The following AFF4 variants were observed in gnomAD, a reference collection of about 807,000 sequenced individuals.
The protein encoded by AFF4 is ALF transcription elongation factor 4.
In AFF4, 13 loss-of-function variants were observed where a neutral mutation model predicts 124.8. That is an observed-to-expected ratio of 0.10 (90% CI 0.07 to 0.17). The LOEUF (loss-of-function observed/expected upper bound fraction) is 0.17, where lower values mean the gene tolerates loss of function less well. AFF4 is among the 10% of genes least tolerant of loss of function. The pLI, the probability that AFF4 is intolerant of heterozygous loss-of-function variation, is 1.00. For synonymous variants in AFF4, 477 were observed against 496.1 expected, an observed-to-expected ratio of 0.96 and a Z score of 0.51; for missense variants, 1,092 against 1,403.8, an observed-to-expected ratio of 0.78 and a Z score of 3.55.
intron 1 of AFF4, among the ~76,000 whole-genome samples, chr5:132,957,792 G>T (rs1367676993): frequency 1.3e-5 from 2 of 151,944 alleles, no homozygotes; most frequent in Non-Finnish European, 2.9e-5. Flanking sequence ...AGGGACAAAA[G>T]AACATATTAC....
chr5:132,933,661 T>G (rs1761352079), intron 3 of AFF4, among the ~76,000 whole-genome samples: 2 of 152,216 alleles, frequency 1.3e-5, no homozygotes, highest in Non-Finnish European at 2.9e-5. Context: ...TCTTAATCCT[T>G]TAAGTATAAC....
chr5:132,886,418 AG>A lies in AFF4; in HGVS notation c.3006-16del, dbSNP rs1177329147. On this transcript the variant is annotated splice_polypyrimidine_tract_variant and intron_variant, in intron 17 of 20. Transcript: ENST00000265343. ...CGCATCGCAGGCTAGCCAATGGAAA[AG>A]GGCGGCTTATTTACCAGGACAGCAA... is the stretch of plus-strand genomic sequence containing the variant. The A allele has an allele frequency of 1.2e-6, 2 of 1,612,080 alleles. No individual in the cohort carries two copies. The highest frequency in any genetic ancestry group is 2.2e-5 in the South Asian group (2 of 90,910).
At chr5:132,952,925 C>A (rs907671806) in intron 1 of AFF4, among the ~76,000 whole-genome samples, 2 of 151,916 alleles carry the variant, frequency 1.3e-5, no homozygotes, top group African/African-American at 2.4e-5. Flanking sequence ...AAACACAACT[C>A]TATGCCTACA....
At chr5:132,903,260 A>G (rs1187482391) in intron 6 of AFF4, among the ~76,000 whole-genome samples, 1 of 152,208 alleles carries the variant, frequency 6.6e-6, no homozygotes, top group East Asian at 1.9e-4. Flanking sequence ...CCTGTAAGCT[A>G]CGGCCTTTAA....
chr5:132,938,941 C>CA (rs762784790), intron 1 of AFF4, among the ~76,000 whole-genome samples: 7,817 of 38,014 alleles, frequency 0.21, 1,047 homozygotes, highest in African/African-American at 0.23. Flanking sequence ...AGACTCATCT[C>CA]AAAAAAAAAA....
chr5:132,908,914 G>A (rs1391991305), intron 5 of AFF4, among the ~76,000 whole-genome samples: 1 of 151,028 alleles, frequency 6.6e-6, no homozygotes, highest in East Asian at 1.9e-4. Context: ...GGGATTACAG[G>A]CACCTGCCAC....
Position 132,937,094 on chromosome 5 carries a change from A to G in AFF4, c.96T>C (p.Ser32=). 1.2e-5 allele frequency: 19 copies of G among 1,613,600 alleles called. No individual in the cohort carries two copies. The highest frequency in any genetic ancestry group is 1.6e-5 in the Non-Finnish European group (19 of 1,179,820). ...QQGEDAFPPS[S]PLFAEPYKVT... ...CTTTGTATGGCTCTGCAAAGAGAGG[A>G]GAGCTAGGTGGGAAGGCGTCTTCGC... is the stretch of plus-strand genomic sequence containing the variant. The change falls in exon 2 of 21, where the codon TCT becomes TCC. Residue 32 remains serine (S), a synonymous_variant. Transcript: ENST00000265343.
At chr5:132,885,611 T>A (rs553590255) in intron 18 of AFF4, among the ~76,000 whole-genome samples, 55 of 152,002 alleles carry the variant, frequency 3.6e-4, no homozygotes, top group Middle Eastern at 3.4e-3. Context: ...GGGGCCAGGG[T>A]AAGGAGTTTA....
intron 6 of AFF4, among the ~76,000 whole-genome samples, chr5:132,903,640 AT>A (rs1760605712): frequency 6.6e-6 from 1 of 152,130 alleles, no homozygotes; most frequent in Non-Finnish European, 1.5e-5. Flanking sequence ...CAGGCAGCAG[AT>A]TTTCTACCCA....
At position 132,962,710 on chromosome 5, in the gene AFF4, C is replaced by G. The variant is rs544063647; in HGVS notation, c.-5+549G>C. On this transcript the variant is annotated intron_variant, in intron 1 of 20. Transcript: ENST00000265343. Reference sequence around the variant, plus strand: ...GGGATAACTAGGTAACAGACCGATTCAGAAGTTGTAGGGGAGGGTATTCGA... The same window carrying G: ...GGGATAACTAGGTAACAGACCGATTGAGAAGTTGTAGGGGAGGGTATTCGA... 2.6e-5 allele frequency among the ~76,000 whole-genome samples: 4 copies of G among 151,910 alleles called. No homozygotes were observed. In the East Asian group the frequency reaches 5.8e-4, roughly 22 times the overall value.
Position 132,898,123 on chromosome 5 carries a change from A to C in AFF4, c.1389+107T>G. ...CAGTACAATTTCTTTTTGTCAGACT[A>C]TGGAACCTTCTTTCCTTCTCCTTTT... On this transcript the variant is annotated intron_variant, in intron 10 of 20. Transcript: ENST00000265343. 3 of 1,380,592 alleles carry C rather than the reference A, an allele frequency of 2.2e-6. No homozygotes were observed. In the Admixed American group the frequency reaches 6.8e-5, roughly 31 times the overall value. 85.5% of individuals were successfully genotyped at this position (1,380,592 alleles called of 1,614,324 possible).
chr5:132,897,530 T>C (rs569803590), intron 10 of AFF4, among the ~76,000 whole-genome samples: 73 of 152,146 alleles, frequency 4.8e-4, no homozygotes, highest in Admixed American at 1.1e-3. Context: ...ACCAACATGG[T>C]GAAATCCTGT....
intron 13 of AFF4, among the ~76,000 whole-genome samples, chr5:132,891,027 A>T (rs1760243351): frequency 6.6e-6 from 1 of 151,550 alleles, no homozygotes. Flanking sequence ...TTAATTAATT[A>T]AATTAAATAA....
chr5:132,963,490 C>T lies in AFF4; in HGVS notation c.-236G>A. The T allele has an allele frequency of 5.0e-6, 2 of 398,062 alleles. No homozygotes were observed. The highest frequency in any genetic ancestry group is 8.9e-6 in the Non-Finnish European group (2 of 225,676). 24.7% of individuals were successfully genotyped at this position (398,062 alleles called of 1,614,324 possible). A position where few individuals can be genotyped will look rare whatever the true frequency, so the allele number is the denominator to read the frequency against. On this transcript the variant is annotated 5_prime_UTR_variant, in exon 1 of 21. The change creates a new upstream start codon in the 5' untranslated region. Coordinates refer to ENST00000265343, the MANE Select transcript of AFF4 (RefSeq NM_014423.4). Reference sequence around the variant, plus strand: ...ACACGGAACAGGCGTAGGCCCCGCACCGCTCCATGACGGTCGGGCCCGGGC... The same window carrying T: ...ACACGGAACAGGCGTAGGCCCCGCATCGCTCCATGACGGTCGGGCCCGGGC...
chr5:132,879,780 G>C lies in AFF4; in HGVS notation c.*1279C>G, dbSNP rs556185390. ...CCAGCTTCTTTAAGCTCTACCCCTG[G>C]CTCCACTCCCTGTCCCAAGAGCTCA... On this transcript the variant is annotated 3_prime_UTR_variant, in exon 21 of 21. Coordinates refer to ENST00000265343, the MANE Select transcript of AFF4 (RefSeq NM_014423.4). The C allele has an allele frequency of 4.4e-5, 10 of 225,034 alleles. No individual in the cohort carries two copies. The highest frequency in any genetic ancestry group is 8.0e-5 in the Non-Finnish European group (9 of 113,144). 13.9% of individuals were successfully genotyped at this position (225,034 alleles called of 1,614,324 possible).
chr5:132,881,036 G>T lies in AFF4; in HGVS notation c.*23C>A. The T allele has an allele frequency of 6.2e-7, 1 of 1,607,914 alleles. No individual in the cohort carries two copies. The highest frequency in any genetic ancestry group is 8.5e-7 in the Non-Finnish European group (1 of 1,177,948). The stretch of plus-strand genomic sequence containing the variant: ...TGACACAGTGTTGTGGAGAAAATCA[G>T]AGGCAACGAGAATGTGTTCAGTTCA... On this transcript the variant is annotated 3_prime_UTR_variant, in exon 21 of 21. Coordinates refer to ENST00000265343, the MANE Select transcript of AFF4 (RefSeq NM_014423.4).
intron 10 of AFF4, 22 bp downstream of exon 10, chr5:132,898,208 T>C (rs754613665): frequency 2.4e-5 from 38 of 1,613,374 alleles, no homozygotes; most frequent in Non-Finnish European, 3.1e-5. Context: ...CTGTGGAAGG[T>C]ACCCCACCGC....
intron 1 of AFF4, among the ~76,000 whole-genome samples, chr5:132,954,312 C>T (rs536922934): frequency 6.6e-6 from 1 of 152,350 alleles, no homozygotes; most frequent in South Asian, 2.1e-4. Flanking sequence ...GGTTCGAGCT[C>T]CTATTGACAC....
At position 132,902,430 on chromosome 5, in the gene AFF4, C is replaced by A; in HGVS notation, c.1133+12G>T. The A allele has an allele frequency of 6.3e-7, 1 of 1,584,398 alleles. No individual in the cohort carries two copies. The highest frequency in any genetic ancestry group is 8.7e-7 in the Non-Finnish European group (1 of 1,153,366). On this transcript the variant is annotated intron_variant, in intron 7 of 20. Transcript: ENST00000265343. ...AATGATAAATATTAAACTCATTAAG[C>A]AATAAACTTACGATTTAGACTGGTG...
Sources: gnomAD v4.1 joint callset for allele counts (sites outside exome capture counted in the v4.1 genomes callset) on GRCh38, gnomAD v4.1.1 for gene constraint, MANE v1.5 for transcripts, NCBI Gene and HGNC (gene_info 2026-07-23, HGNC 2026-07-21) for gene names.